ADGRL2: variants seen among roughly 807,000 people sequenced by gnomAD.
ADGRL2 encodes calcium-independent alpha-latrotoxin receptor 2.
ADGRL2 carries 44 observed loss-of-function variants against 157.4 expected under a neutral mutation model. That is an observed-to-expected ratio of 0.28 (90% CI 0.22 to 0.36). The LOEUF is 0.36. Ranked by LOEUF, ADGRL2 falls within the 10% of genes least tolerant of loss-of-function variation. The pLI is 1.00. For synonymous variants in ADGRL2, 585 were observed against 624.7 expected (o/e 0.94, Z 0.95); for missense variants, 1,510 against 1,768.9 (o/e 0.85, Z 2.63).
intron 3 of ADGRL2, among the ~76,000 whole-genome samples, chr1:81,614,691 A>G (rs1006611671): frequency 2.0e-5 from 3 of 152,134 alleles, no homozygotes; most frequent in African/African-American, 7.2e-5. Flanking sequence ...CATGTCTAAC[A>G]AAAAGGAAGA....
intron 1 of ADGRL2, among the ~76,000 whole-genome samples, chr1:81,322,348 C>A (rs1660585287): frequency 6.6e-6 from 1 of 151,622 alleles, no homozygotes; most frequent in African/African-American, 2.4e-5. Context: ...ATGAAACAAA[C>A]CTTAAAAAGA....
At chr1:81,639,932 A>G (rs1024058664) in intron 3 of ADGRL2, among the ~76,000 whole-genome samples, 1 of 152,198 alleles carries the variant, frequency 6.6e-6, no homozygotes, top group Admixed American at 6.5e-5. Flanking sequence ...ACACGTAAAT[A>G]AAATACATTG....
chr1:81,773,459 G>A (rs1429508787), intron 2 of ADGRL2, among the ~76,000 whole-genome samples: 1 of 152,130 alleles, frequency 6.6e-6, no homozygotes, highest in Non-Finnish European at 1.5e-5. Flanking sequence ...GCCTTGCCTT[G>A]ACTAGAGTGT....
chr1:81,952,175 A>G (rs111232971), intron 9 of ADGRL2, 33 bp downstream of exon 9: 1 of 1,537,698 alleles, frequency 6.5e-7, no homozygotes, highest in Non-Finnish European at 8.9e-7. Context: ...TTTGAATTAG[A>G]CACTTGGTAT....
At position 81,578,818 on chromosome 1, in the gene ADGRL2, T is replaced by C. The variant is rs75060471; in HGVS notation, c.-247-2058T>C. Among the ~76,000 whole-genome samples, 35 of 152,310 alleles carry C rather than the reference T, an allele frequency of 2.3e-4. 1 individual carries two copies. The East Asian group carries it at 6.0e-3, about 26-fold the overall frequency. ...AAAGTGATACAGTTCATTATTTTTC[T>C]ATTGCACATTTATGTAGTTCCCCCC... On this transcript the variant is annotated intron_variant, in intron 2 of 24. Transcript: ENST00000370721.
intron 2 of ADGRL2, among the ~76,000 whole-genome samples, chr1:81,565,361 T>C (rs72715585): frequency 5.3e-5 from 8 of 152,342 alleles, no homozygotes; most frequent in Non-Finnish European, 2.9e-5. Flanking sequence ...TTCACTATCT[T>C]ATTAGAGCAA....
chr1:81,835,417 G>A (rs700034), intron 1 of ADGRL2, among the ~76,000 whole-genome samples: 151,223 of 152,270 alleles, frequency 0.99, 75,106 homozygotes, highest in Middle Eastern at 1. Context: ...AATGCTTTAT[G>A]TAGAATAACT....
At chr1:81,622,606 G>T (rs1473396452) in intron 3 of ADGRL2, among the ~76,000 whole-genome samples, 1 of 151,038 alleles carries the variant, frequency 6.6e-6, no homozygotes, top group African/African-American at 2.4e-5. Context: ...ATGTTTTTGG[G>T]GGACCAGGCA....
chr1:81,773,551 C>T (rs1459665737), intron 2 of ADGRL2, among the ~76,000 whole-genome samples: 5 of 152,088 alleles, frequency 3.3e-5, no homozygotes, highest in African/African-American at 1.2e-4. Context: ...AAGGTTAGGA[C>T]CACCAGTATT....
intron 3 of ADGRL2, among the ~76,000 whole-genome samples, chr1:81,597,094 T>G (rs2081249361): frequency 1.3e-5 from 2 of 152,210 alleles, no homozygotes; most frequent in African/African-American, 2.4e-5. Context: ...TGGAAAGATA[T>G]TCTTCCTGAG....
chr1:81,961,004 A>G (rs763971894), intron 11 of ADGRL2, among the ~76,000 whole-genome samples: 11 of 152,150 alleles, frequency 7.2e-5, no homozygotes, highest in East Asian at 1.9e-4. Context: ...GCTCCTTCCC[A>G]TAAAGGTGCA....
chr1:81,314,790 T>A (rs897462186), intron 1 of ADGRL2, among the ~76,000 whole-genome samples: 20 of 152,166 alleles, frequency 1.3e-4, no homozygotes, highest in African/African-American at 4.8e-4. Flanking sequence ...GAAATGACAA[T>A]GAATTGAATA....
At chr1:81,940,972 G>A (rs1254054593) in intron 4 of ADGRL2, among the ~76,000 whole-genome samples, 1 of 150,234 alleles carries the variant, frequency 6.7e-6, no homozygotes, top group Non-Finnish European at 1.5e-5. Context: ...CTACTAATCA[G>A]GTTTGTTTTA....
chr1:81,894,462 A>G (rs999116494), intron 2 of ADGRL2, among the ~76,000 whole-genome samples: 20 of 152,156 alleles, frequency 1.3e-4, no homozygotes, highest in Non-Finnish European at 2.9e-4. Context: ...TGTGTATCAT[A>G]TTACCCACTT....
At chr1:81,645,509 A>G (rs930506575) in intron 3 of ADGRL2, among the ~76,000 whole-genome samples, 1 of 152,118 alleles carries the variant, frequency 6.6e-6, no homozygotes, top group African/African-American at 2.4e-5. Flanking sequence ...TCCCAGAGGT[A>G]GAGGCCATCA....
chr1:81,906,006 AC>A (rs1470028630), intron 2 of ADGRL2, among the ~76,000 whole-genome samples: 1 of 149,632 alleles, frequency 6.7e-6, no homozygotes, highest in African/African-American at 2.5e-5. Flanking sequence ...AAGTTTATGA[AC>A]TTGTTGGGGA....
rs139795789 is a variant in ADGRL2, at chr1:81,900,167, T to C, written c.74-6850T>C. Reference sequence around the variant, plus strand: ...TTTGAGGATTCATAATCAGGAAATATTTATACAGTCCTTAGAGGGACTTCT... The same window carrying C: ...TTTGAGGATTCATAATCAGGAAATACTTATACAGTCCTTAGAGGGACTTCT... On this transcript the variant is annotated intron_variant, in intron 2 of 23. Coordinates refer to ENST00000686636, the MANE Select transcript of ADGRL2 (RefSeq NM_001366006.2). 2.0e-3 allele frequency among the ~76,000 whole-genome samples: 298 copies of C among 152,304 alleles called. 1 individual carries two copies. Among genetic ancestry groups the C allele is most frequent in the African/African-American group, 7.0e-3 (289 of 41,562 alleles).
At chr1:81,937,652 A>G (rs980455921) in intron 4 of ADGRL2, among the ~76,000 whole-genome samples, 4 of 151,840 alleles carry the variant, frequency 2.6e-5, no homozygotes, top group Admixed American at 6.6e-5. Flanking sequence ...TTTTTAAATT[A>G]TAGAAAAGAT....
intron 3 of ADGRL2, among the ~76,000 whole-genome samples, chr1:81,670,867 G>A (rs1221593551): frequency 2.6e-5 from 4 of 152,078 alleles, no homozygotes; most frequent in Admixed American, 6.5e-5. Context: ...ACGCCACCAT[G>A]TCCAGCTAAT....
Sources: allele counts gnomAD v4.1 joint callset (sites outside exome capture counted in the v4.1 genomes callset), GRCh38; gene constraint gnomAD v4.1.1; transcripts MANE v1.5; gene names NCBI Gene and HGNC (gene_info 2026-07-23, HGNC 2026-07-21).